The following DDHD2 variants were observed in gnomAD, a reference collection of about 807,000 sequenced individuals.
DDHD2 encodes triacylglycerol hydrolase DDHD2.
In DDHD2, 62 loss-of-function variants were observed where a neutral mutation model predicts 91.2. The observed-to-expected ratio is 0.68, with a 90% CI of 0.55 to 0.84. The LOEUF is 0.84. Ranked by LOEUF, DDHD2 falls within the 40% of genes least tolerant of loss-of-function variation. DDHD2 has a pLI of 0.00. For missense variants in DDHD2, 740 were observed against 846.9 expected (o/e 0.87, Z 1.57); for synonymous variants, 271 against 293.9 (o/e 0.92, Z 0.80).
At chr8:38,240,434 G>A (rs1805162869) in intron 6 of DDHD2, 70 bp downstream of exon 6, 1 of 1,164,800 alleles carries the variant, frequency 8.6e-7, no homozygotes. Flanking sequence ...CCTTGTCTTT[G>A]GTCTATTGTC....
intron 16 of DDHD2, among the ~76,000 whole-genome samples, chr8:38,255,928 C>T (rs918298222): frequency 2.0e-5 from 3 of 152,078 alleles, no homozygotes; most frequent in Non-Finnish European, 4.4e-5. Context: ...GAGGTTGTAC[C>T]TTTTTATACT....
At chr8:38,258,976 C>T (rs1487089896) in intron 16 of DDHD2, among the ~76,000 whole-genome samples, 1 of 152,116 alleles carries the variant, frequency 6.6e-6, no homozygotes, top group East Asian at 1.9e-4. Context: ...CTGGAAAACG[C>T]ATGAGAAATT....
In DDHD2 at chr8:38,252,123, TC is replaced by T; in HGVS notation, c.1462-7del. ...TTAATGAGAGATGCTTTTATTTTCC[TC>T]CTTTGAGGTGTCTGTGAAATACCCC... is the stretch of plus-strand genomic sequence containing the variant. On this transcript the variant is annotated splice_region_variant and splice_polypyrimidine_tract_variant and intron_variant, in intron 12 of 17. Transcript: ENST00000397166. The T allele has an allele frequency of 6.2e-7, 1 of 1,612,336 alleles. No homozygotes were observed. Among genetic ancestry groups the T allele is most frequent in the Non-Finnish European group, 8.5e-7 (1 of 1,179,232 alleles).
chr8:38,266,510 C>T (rs560184917), downstream of DDHD2: 10 of 511,320 alleles, frequency 2.0e-5, no homozygotes, highest in African/African-American at 3.9e-5. Flanking sequence ...AAGCGATTCT[C>T]CTGCCTTAGC....
intron 16 of DDHD2, among the ~76,000 whole-genome samples, chr8:38,257,649 T>C (rs1316207203): frequency 6.7e-6 from 1 of 149,938 alleles, no homozygotes; most frequent in Non-Finnish European, 1.5e-5. Flanking sequence ...TCCAAAAAAA[T>C]TCTTACCACA....
At chr8:38,268,730 T>C (rs968439902) in intron 1 of DDHD2, 1 of 1,433,448 alleles carries the variant, frequency 7.0e-7, no homozygotes, top group African/African-American at 1.4e-5. Context: ...ATCAGGATCT[T>C]AAACACTCGA....
Position 38,246,318 on chromosome 8 carries a change from C to T in DDHD2, c.1125+18C>T. ...GTGAAAAGGTAATTTAGATGTTCAG[C>T]TAGGTTTTCTTGTAGTTTTCCTTAG... On this transcript the variant is annotated intron_variant, in intron 9 of 17. Transcript: ENST00000397166. 6.3e-7 allele frequency: 1 copy of T among 1,580,450 alleles called. No individual in the cohort carries two copies. Among genetic ancestry groups the T allele is most frequent in the Non-Finnish European group, 8.7e-7 (1 of 1,155,192 alleles).
intron 9 of DDHD2, chr8:38,246,842 A>G (rs1375439432): frequency 6.5e-6 from 1 of 154,280 alleles, no homozygotes; most frequent in African/African-American, 2.4e-5. Context: ...CTCCGTCTCA[A>G]AAATATGCAC....
rs954935534 is a variant in DDHD2 at position 38,261,847 on chromosome 8, C to A, written c.*1274C>A. ...CTTTGTAGTTCTCTTTATGATAATC[C>A]TTTATACTTGCTCTCAGATTCCACA... On this transcript the variant is annotated 3_prime_UTR_variant, in exon 18 of 18. Coordinates refer to ENST00000397166, the MANE Select transcript of DDHD2 (RefSeq NM_015214.3). 3.3e-5 allele frequency: 5 copies of A among 151,998 alleles called. No individual in the cohort carries two copies. The allele number at this position is 151,998 out of a possible 1,614,324, so 9.4% of individuals were successfully genotyped here. A position where few individuals can be genotyped will look rare whatever the true frequency, so the allele number is the denominator to read the frequency against.
downstream of DDHD2, chr8:38,267,355 A>C (rs1372209743): frequency 6.2e-7 from 1 of 1,613,924 alleles, no homozygotes; most frequent in East Asian, 2.2e-5. Context: ...GGGCTAGCCC[A>C]TCAGGGAAGC....
At chr8:38,268,038 G>T (rs1807950025) in intron 1 of DDHD2, 1 of 1,604,824 alleles carries the variant, frequency 6.2e-7, no homozygotes, top group South Asian at 1.1e-5. Flanking sequence ...GAGAGCAGCC[G>T]TGCTGTTTCT....
At chr8:38,245,720 A>C in intron 7 of DDHD2, 22 bp from the exon 8 acceptor site, 1 of 1,608,210 alleles carries the variant, frequency 6.2e-7, no homozygotes, top group Non-Finnish European at 8.5e-7. Context: ...TTTCCTGCTT[A>C]TATTATTTTT....
chr8:38,254,942 ATAAAG>A (rs925773499), intron 16 of DDHD2, among the ~76,000 whole-genome samples: 8 of 152,212 alleles, frequency 5.3e-5, no homozygotes, highest in South Asian at 2.1e-4. Context: ...TGACATAAAA[ATAAAG>A]TAAGGGAAAT....
chr8:38,268,013 T>A, intron 1 of DDHD2: 1 of 1,613,420 alleles, frequency 6.2e-7, no homozygotes, highest in Non-Finnish European at 8.5e-7. Flanking sequence ...AAAGGTATGG[T>A]CATGGCCTCG....
downstream of DDHD2, chr8:38,266,223 C>T: frequency 1.2e-6 from 2 of 1,613,896 alleles, no homozygotes; most frequent in Non-Finnish European, 8.5e-7. Flanking sequence ...AGGCACAGAA[C>T]CTCCAAGATT....
At chr8:38,239,224 A>T (rs1805048314) in intron 5 of DDHD2, among the ~76,000 whole-genome samples, 1 of 151,892 alleles carries the variant, frequency 6.6e-6, no homozygotes, top group African/African-American at 2.4e-5. Flanking sequence ...AAATACAAAA[A>T]TTAACTGGGC....
chr8:38,243,615 A>G (rs1805404694), intron 7 of DDHD2, among the ~76,000 whole-genome samples: 1 of 151,534 alleles, frequency 6.6e-6, no homozygotes, highest in African/African-American at 2.4e-5. Flanking sequence ...TATGATTTTT[A>G]TCTTAGACAT....
chr8:38,260,455 A>C (rs1806925329), intron 17 of DDHD2, 145 bp from the exon 18 acceptor site: 2 of 185,916 alleles, frequency 1.1e-5, no homozygotes, highest in Non-Finnish European at 2.2e-5. Context: ...AACAGTTATG[A>C]TTTTAATTAC....
At chr8:38,237,782 T>G (rs1483608682) in intron 4 of DDHD2, among the ~76,000 whole-genome samples, 155 bp downstream of exon 4, 2 of 152,232 alleles carry the variant, frequency 1.3e-5, no homozygotes, top group Non-Finnish European at 2.9e-5. Flanking sequence ...TTGTAGCCAC[T>G]ACTGTTATTT....
Sources: gnomAD v4.1 joint callset for allele counts (sites outside exome capture counted in the v4.1 genomes callset) on GRCh38, gnomAD v4.1.1 for gene constraint, MANE v1.5 for transcripts, NCBI Gene and HGNC (gene_info 2026-07-23, HGNC 2026-07-21) for gene names.